VIRMA: variants seen among roughly 807,000 people sequenced by gnomAD.
VIRMA encodes vir like m6A methyltransferase associated.
Under a neutral mutation model 182.4 loss-of-function variants are expected in VIRMA, and 65 were observed. That is an observed-to-expected ratio of 0.36 (90% CI 0.29 to 0.44). The LOEUF (loss-of-function observed/expected upper bound fraction) is 0.44. VIRMA is among the 20% of genes least tolerant of loss of function. VIRMA has a pLI of 1.00. For missense variants in VIRMA, 1,752 were observed against 2,158.1 expected (o/e 0.81, Z 3.73); for synonymous variants, 709 against 743.1 (o/e 0.95, Z 0.75).
At chr8:94,525,226 C>T (rs78486198) in intron 8 of VIRMA, among the ~76,000 whole-genome samples, 22,645 of 152,196 alleles carry the variant, frequency 0.15, 2,096 homozygotes, top group South Asian at 0.3. Flanking sequence ...AGTTGGTAGA[C>T]GAATGCCCAG....
At chr8:94,540,941 G>A (rs773947742) in intron 2 of VIRMA, among the ~76,000 whole-genome samples, 1 of 151,562 alleles carries the variant, frequency 6.6e-6, no homozygotes, top group Non-Finnish European at 1.5e-5. Context: ...CTTACAACTC[G>A]GTGACTCTAA....
chr8:94,521,998 G>A (rs1475700286), intron 8 of VIRMA, among the ~76,000 whole-genome samples: 1 of 152,136 alleles, frequency 6.6e-6, no homozygotes, highest in Non-Finnish European at 1.5e-5. Context: ...ACCCCTAACT[G>A]ATAAGAATGG....
Position 94,521,798 on chromosome 8 carries a change from A to C in VIRMA, c.2022-2322T>G, listed in dbSNP as rs1814780354. The stretch of plus-strand genomic sequence containing the variant: ...AATAAACACCCACCAGTAACTGCTT[A>C]CTACAAAGGCAAACAGAACCTTCAA... On this transcript the variant is annotated intron_variant, in intron 8 of 23. Transcript: ENST00000297591. 2.0e-5 allele frequency among the ~76,000 whole-genome samples: 3 copies of C among 152,190 alleles called. No homozygotes were observed. In the South Asian group the frequency reaches 6.2e-4, roughly 32 times the overall value.
Position 94,507,433 on chromosome 8 carries a change from C to T in VIRMA, c.3880-716G>A, listed in dbSNP as rs539641714. On this transcript the variant is annotated intron_variant, in intron 15 of 23. Coordinates refer to ENST00000297591, the MANE Select transcript of VIRMA (RefSeq NM_015496.5). ...TACAGGCATGAGCCACTGTGCCCAG[C>T]CAGAAATAAAGTTTAATATACATTA... Among the ~76,000 whole-genome samples, 423 of 151,580 alleles carry T rather than the reference C, an allele frequency of 2.8e-3. 2 individuals are homozygous for T. The highest frequency in any genetic ancestry group is 9.6e-3 in the African/African-American group (399 of 41,392).
At chr8:94,518,866 G>A in intron 9 of VIRMA, 119 bp downstream of exon 9, 1 of 920,046 alleles carries the variant, frequency 1.1e-6, no homozygotes, top group Non-Finnish European at 1.6e-6. Flanking sequence ...CAAGTTTTGT[G>A]TTATATCAAA....
intron 8 of VIRMA, among the ~76,000 whole-genome samples, chr8:94,521,440 C>G (rs73274052): frequency 2.0e-5 from 3 of 151,890 alleles, no homozygotes; most frequent in Admixed American, 1.3e-4. Flanking sequence ...AAAAAAGAAC[C>G]AAAACATCGT....
At chr8:94,505,181 C>T (rs1413641787) in intron 16 of VIRMA, among the ~76,000 whole-genome samples, 6 of 152,096 alleles carry the variant, frequency 3.9e-5, no homozygotes, top group Admixed American at 2.6e-4. Context: ...AGAGCGAATA[C>T]AGAAGATGCA....
intron 11 of VIRMA, among the ~76,000 whole-genome samples, chr8:94,514,460 C>T (rs1814487535): frequency 6.6e-6 from 1 of 152,218 alleles, no homozygotes; most frequent in African/African-American, 2.4e-5. Context: ...CTGCAATTAT[C>T]TGGAATGGGC....
intron 1 of VIRMA, among the ~76,000 whole-genome samples, chr8:94,547,869 C>CAAAA (rs1267941832): frequency 8.8e-6 from 1 of 113,038 alleles, no homozygotes; most frequent in Non-Finnish European, 1.9e-5. Flanking sequence ...CCATCTCTAC[C>CAAAA]AAAAAAAAAA....
intron 11 of VIRMA, among the ~76,000 whole-genome samples, chr8:94,514,594 G>A (rs887392832): frequency 6.6e-6 from 1 of 152,150 alleles, no homozygotes; most frequent in African/African-American, 2.4e-5. Flanking sequence ...CAAGATGGTA[G>A]GTGATACTAT....
chr8:94,542,394 A>C (rs1390243438), intron 2 of VIRMA, among the ~76,000 whole-genome samples: 1 of 152,190 alleles, frequency 6.6e-6, no homozygotes, highest in Non-Finnish European at 1.5e-5. Context: ...ACTACCAAGC[A>C]AATTCTTCAG....
chr8:94,537,634 A>G (rs1226363751), intron 3 of VIRMA, among the ~76,000 whole-genome samples: 2 of 152,206 alleles, frequency 1.3e-5, no homozygotes, highest in East Asian at 1.9e-4. Flanking sequence ...CAATAACAGA[A>G]TAAGTGATGT....
chr8:94,508,403 C>T (rs1468941186), intron 15 of VIRMA, among the ~76,000 whole-genome samples: 1 of 152,082 alleles, frequency 6.6e-6, no homozygotes, highest in Non-Finnish European at 1.5e-5. Context: ...CTAAATTTTA[C>T]AAGAGCATTT....
At chr8:94,495,109 T>A (rs555579607) in intron 19 of VIRMA, among the ~76,000 whole-genome samples, 153 bp from the exon 20 acceptor site, 5 of 152,134 alleles carry the variant, frequency 3.3e-5, no homozygotes, top group Admixed American at 1.3e-4. Flanking sequence ...CAAGTGATCC[T>A]CCCACCTTAG....
Position 94,512,109 on chromosome 8 carries a change from C to G in VIRMA, c.2752-20G>C, listed in dbSNP as rs1210628110. The G allele has an allele frequency of 7.5e-7, 1 of 1,340,578 alleles. No individual in the cohort carries two copies. Among genetic ancestry groups the G allele is most frequent in the Non-Finnish European group, 9.9e-7 (1 of 1,009,378 alleles). The allele number at this position is 1,340,578 out of a possible 1,614,324, so 83.0% of individuals were successfully genotyped here. Reference sequence around the variant, plus strand: ...GATATTCTTTAAAAATGAAAATGAACAGAATATTTCGTTTCTTAGTACCCA... The same window carrying G: ...GATATTCTTTAAAAATGAAAATGAAGAGAATATTTCGTTTCTTAGTACCCA... On this transcript the variant is annotated intron_variant, in intron 11 of 23. Coordinates refer to ENST00000297591, the MANE Select transcript of VIRMA (RefSeq NM_015496.5).
Position 94,488,115 on chromosome 8 carries a change from T to C in VIRMA, c.*591A>G, listed in dbSNP as rs1813503220. On this transcript the variant is annotated 3_prime_UTR_variant, in exon 24 of 24. Coordinates refer to ENST00000297591, the MANE Select transcript of VIRMA (RefSeq NM_015496.5). The stretch of plus-strand genomic sequence containing the variant: ...AACTACTACTTTGAGGTAGTTTACA[T>C]TTTCAACATTAAATAGCATTATATT... 1 of 152,216 alleles carries C rather than the reference T, an allele frequency of 6.6e-6. No homozygotes were observed. The allele number at this position is 152,216 out of a possible 1,614,324, so 9.4% of individuals were successfully genotyped here.
chr8:94,515,528 C>T (rs1406406722), intron 10 of VIRMA, among the ~76,000 whole-genome samples: 1 of 151,918 alleles, frequency 6.6e-6, no homozygotes, highest in Non-Finnish European at 1.5e-5. Context: ...TGCATTACCA[C>T]ATCTGGCTAA....
chr8:94,541,269 G>A (rs922270754), intron 2 of VIRMA, among the ~76,000 whole-genome samples: 2 of 151,796 alleles, frequency 1.3e-5, no homozygotes, highest in Non-Finnish European at 2.9e-5. Flanking sequence ...CTACAGGCAT[G>A]AGCCACCACG....
rs544295282 is a variant in VIRMA at position 94,536,746 on chromosome 8, G to A, written c.315+357C>T. Reference sequence around the variant, plus strand: ...TGTAATCCTAGCACTTTGGGAGGCCGAGGCGGTTGGATCACGAGGTCAGGA... The same window carrying A: ...TGTAATCCTAGCACTTTGGGAGGCCAAGGCGGTTGGATCACGAGGTCAGGA... On this transcript the variant is annotated intron_variant, in intron 4 of 23. Transcript: ENST00000297591. Among the ~76,000 whole-genome samples the A allele has an allele frequency of 5.9e-5, 9 of 152,282 alleles. No homozygotes were observed. In the South Asian group the frequency reaches 8.3e-4, roughly 14 times the overall value.
Sources: gnomAD v4.1 joint callset for allele counts (sites outside exome capture counted in the v4.1 genomes callset) on GRCh38, gnomAD v4.1.1 for gene constraint, MANE v1.5 for transcripts, NCBI Gene and HGNC (gene_info 2026-07-23, HGNC 2026-07-21) for gene names.